RASGRF1: variants seen among roughly 807,000 people sequenced by gnomAD.
The protein encoded by RASGRF1 is ras-specific guanine nucleotide-releasing factor 1.
Under a neutral mutation model 138.7 loss-of-function variants are expected in RASGRF1, and 40 were observed. The observed-to-expected ratio is 0.29, with a 90% CI of 0.22 to 0.38. The LOEUF (loss-of-function observed/expected upper bound fraction) is 0.38, where lower values mean the gene tolerates loss of function less well. Ranked by LOEUF, RASGRF1 falls within the 10% of genes least tolerant of loss-of-function variation. RASGRF1 has a pLI of 1.00. For missense variants in RASGRF1, 1,108 were observed against 1,650.4 expected (o/e 0.67, Z 5.69); for synonymous variants, 614 against 663.2 (o/e 0.93, Z 1.14).
chr15:79,058,548 C>T, intron 2 of RASGRF1, 67 bp from the exon 3 acceptor site: 1 of 1,583,318 alleles, frequency 6.3e-7, no homozygotes, highest in Non-Finnish European at 8.6e-7. Context: ...AAGCAGGGCA[C>T]TGACCGGGAG....
intron 16 of RASGRF1, among the ~76,000 whole-genome samples, chr15:79,000,641 C>A (rs904803090): frequency 1.3e-5 from 2 of 151,994 alleles, no homozygotes; most frequent in African/African-American, 2.4e-5. Context: ...ATAGGAGAAA[C>A]CTACTCTTGA....
At position 79,004,166 on chromosome 15, in the gene RASGRF1, C is replaced by G. The variant is rs540608616; in HGVS notation, c.2085G>C (p.Glu695Asp). ...TGTTCTGGCCACTGGCAAACAGGAG[C>G]TCCAGCGACCTGTGGGGAGGGCGGG... The part of the protein sequence containing the change: ...PISAIPARSL[E>D]LLFASGQNNK... The change falls in exon 15 of 27, where the codon GAG (glutamate) becomes GAC (aspartate). Residue 695 changes from glutamate to aspartate, a missense_variant. By Grantham distance (45) the Glu-to-Asp change is conservative. Around this residue, in one of 3 missense-constraint regions of RASGRF1, gnomAD observed 686 missense variants for 976.7 expected, o/e 0.70. Transcript: ENST00000558480. The G allele has an allele frequency of 6.3e-7, 1 of 1,579,410 alleles. No individual in the cohort carries two copies. Among genetic ancestry groups the G allele is most frequent in the East Asian group, 2.3e-5 (1 of 44,354 alleles).
intron 3 of RASGRF1, among the ~76,000 whole-genome samples, chr15:79,051,932 T>G (rs1347775439): frequency 6.6e-6 from 1 of 152,176 alleles, no homozygotes; most frequent in Non-Finnish European, 1.5e-5. Flanking sequence ...CATGGAGGGC[T>G]CATGGAGGCA....
chr15:79,013,919 T>G (rs1346073784), intron 13 of RASGRF1, among the ~76,000 whole-genome samples: 1 of 152,206 alleles, frequency 6.6e-6, no homozygotes. Flanking sequence ...TATATATTCA[T>G]TTTTTAATTA....
chr15:79,035,510 C>CA (rs1405471647), intron 5 of RASGRF1, among the ~76,000 whole-genome samples: 17 of 152,224 alleles, frequency 1.1e-4, no homozygotes, highest in Admixed American at 7.8e-4. Flanking sequence ...CGGCAGAGGG[C>CA]AGGGAGCTGC....
chr15:78,998,651 G>C, intron 18 of RASGRF1, 68 bp downstream of exon 18: 1 of 1,351,790 alleles, frequency 7.4e-7, no homozygotes. Flanking sequence ...GCTTTTGGAA[G>C]GCAGCTGGTT....
chr15:79,047,147 A>T, intron 4 of RASGRF1, 148 bp from the exon 5 acceptor site: 1 of 995,230 alleles, frequency 1.0e-6, no homozygotes, highest in Non-Finnish European at 1.4e-6. Flanking sequence ...GATGTAGACC[A>T]GGCATAGCTC....
chr15:79,070,654 T>C (rs2057743188), intron 1 of RASGRF1, among the ~76,000 whole-genome samples: 1 of 152,070 alleles, frequency 6.6e-6, no homozygotes, highest in South Asian at 2.1e-4. Flanking sequence ...ATAAGAAGAG[T>C]CCCTTCCTTG....
chr15:78,979,087 G>A, intron 24 of RASGRF1: 1 of 1,290,142 alleles, frequency 7.8e-7, no homozygotes, highest in Non-Finnish European at 1.0e-6. Flanking sequence ...GGGGCGGACG[G>A]ACGGACAAGT....
At chr15:79,009,611 G>GA (rs1325082306) in intron 13 of RASGRF1, among the ~76,000 whole-genome samples, 3 of 152,190 alleles carry the variant, frequency 2.0e-5, no homozygotes, top group African/African-American at 7.2e-5. Flanking sequence ...AAGGGGAAGA[G>GA]AAAGTGAAGA....
In RASGRF1 at chr15:79,032,419, A is replaced by C. The variant is rs1413862897; in HGVS notation, c.959-103T>G. 8.8e-7 allele frequency: 1 copy of C among 1,142,756 alleles called. No individual in the cohort carries two copies. Among genetic ancestry groups the C allele is most frequent in the East Asian group, 2.5e-5 (1 of 40,308 alleles). 70.8% of individuals were successfully genotyped at this position (1,142,756 alleles called of 1,614,324 possible). A position where few individuals can be genotyped will look rare whatever the true frequency, so the allele number is the denominator to read the frequency against. On this transcript the variant is annotated intron_variant, in intron 6 of 26. Coordinates refer to ENST00000558480, the MANE Select transcript of RASGRF1 (RefSeq NM_001145648.3). The surrounding 1 kb of genome is among the most constrained non-coding windows in gnomAD (Gnocchi z 4.5). ...GCTACACCCAGAGAGGCCAGGGGCCAGGTTCAAGTTCCCCACCCCAGAGAC... is the reference window on the plus strand; with the variant it reads ...GCTACACCCAGAGAGGCCAGGGGCCCGGTTCAAGTTCCCCACCCCAGAGAC...
chr15:78,961,977 G>A lies in RASGRF1; in HGVS notation c.*167C>T, dbSNP rs2055552534. 8 of 589,344 alleles carry A rather than the reference G, an allele frequency of 1.4e-5. No homozygotes were observed. 36.5% of individuals were successfully genotyped at this position (589,344 alleles called of 1,614,324 possible). ...GGGATGGGTGGGCGAAGTCTGAAAC[G>A]GTGCAGAAATTCATATTCCGGTTCT... On this transcript the variant is annotated 3_prime_UTR_variant, in exon 27 of 27. Transcript: ENST00000558480.
intron 1 of RASGRF1, among the ~76,000 whole-genome samples, chr15:79,078,677 C>T (rs1372692899): frequency 2.6e-5 from 4 of 152,228 alleles, no homozygotes; most frequent in Non-Finnish European, 5.9e-5. Context: ...TTTGTGACCT[C>T]CTTCCTAGCT....
intron 10 of RASGRF1, 103 bp from the exon 11 acceptor site, chr15:79,020,207 A>T: frequency 9.4e-7 from 1 of 1,065,354 alleles, no homozygotes; most frequent in Non-Finnish European, 1.4e-6. Context: ...AGGAGCATCC[A>T]TGTATACACA....
At chr15:78,969,794 A>AT (rs2055715075) in intron 26 of RASGRF1, among the ~76,000 whole-genome samples, 1 of 151,992 alleles carries the variant, frequency 6.6e-6, no homozygotes, top group Non-Finnish European at 1.5e-5. Flanking sequence ...GTCATATTAT[A>AT]TTTTTTGCCT....
Position 79,025,470 on chromosome 15 carries a change from G to T in RASGRF1, c.1386C>A (p.Ser462=), listed in dbSNP as rs1384033456. Residue 462 remains serine, a synonymous_variant, in exon 10 of 27, where the codon TCC becomes TCA. Coordinates refer to ENST00000558480, the MANE Select transcript of RASGRF1 (RefSeq NM_001145648.3). ...TTTCAGACATGGGCACCTGAATGAG[G>T]GAACCTGTGGGTGGAGGAGAGAGAC... is the stretch of plus-strand genomic sequence containing the variant. The part of the protein sequence containing the change: ...DTSQTFVRQG[S]LIQVPMSEKG... 6.2e-7 allele frequency: 1 copy of T among 1,611,912 alleles called. No homozygotes were observed. Among genetic ancestry groups the T allele is most frequent in the African/African-American group, 1.3e-5 (1 of 74,832 alleles).
chr15:79,017,578 G>A lies in RASGRF1; in HGVS notation c.1743+192C>T, dbSNP rs75567018. 7.2e-4 allele frequency among the ~76,000 whole-genome samples: 110 copies of A among 152,314 alleles called. 2 individuals carry two copies. The highest frequency in any genetic ancestry group is 6.8e-3 in the Middle Eastern group (2 of 294). Reference sequence around the variant, plus strand: ...ACCACACTTTCAAGGTGACCCAGGGGACTACAAACGGGATGGACTAGCTGA... The same window carrying A: ...ACCACACTTTCAAGGTGACCCAGGGAACTACAAACGGGATGGACTAGCTGA... On this transcript the variant is annotated intron_variant, in intron 12 of 26. Transcript: ENST00000558480.
Position 79,003,979 on chromosome 15 carries a change from C to T in RASGRF1, c.2272G>A (p.Ala758Thr), listed in dbSNP as rs773401911. The change falls in exon 15 of 27, where the codon GCC becomes ACC. Residue 758 changes from alanine (A) to threonine (T), a missense_variant. This residue lies in a region of RASGRF1 where 686 missense variants were observed against 976.7 expected (regional missense o/e 0.70). Coordinates refer to ENST00000558480, the MANE Select transcript of RASGRF1 (RefSeq NM_001145648.3). ...TAGCCATTGGAGTTGCAGCTGAGGGCGGCCAGGTCCAGGGCCTTGCCGCCA... is the reference window on the plus strand; with the variant it reads ...TAGCCATTGGAGTTGCAGCTGAGGGTGGCCAGGTCCAGGGCCTTGCCGCCA... ...ITGGKALDLA[A>T]LSCNSNGYTS... 16 of 1,613,962 alleles carry T rather than the reference C, an allele frequency of 9.9e-6. No homozygotes were observed. Among genetic ancestry groups the T allele is most frequent in the Middle Eastern group, 1.6e-4 (1 of 6,082 alleles).
intron 24 of RASGRF1, among the ~76,000 whole-genome samples, chr15:78,976,003 G>A (rs148383110): frequency 1.0e-3 from 158 of 152,290 alleles, no homozygotes; most frequent in African/African-American, 3.3e-3. Flanking sequence ...CCAGGTAGCC[G>A]TGGAGTGCTC....
Sources: allele counts gnomAD v4.1 joint callset (sites outside exome capture counted in the v4.1 genomes callset), GRCh38; gene constraint gnomAD v4.1.1; regional missense constraint gnomAD v4.1.1; non-coding constraint Gnocchi (gnomAD v3.1); transcripts MANE v1.5; gene names NCBI Gene and HGNC (gene_info 2026-07-23, HGNC 2026-07-21).